PTPRT: variants seen among roughly 807,000 people sequenced by gnomAD.
PTPRT encodes receptor-type tyrosine-protein phosphatase T.
In PTPRT, 56 loss-of-function variants were observed where a neutral mutation model predicts 176.8. The observed-to-expected ratio is 0.32, with a 90% confidence interval of 0.26 to 0.40. PTPRT has a LOEUF of 0.40. Ranked by LOEUF, PTPRT falls within the 10% of genes least tolerant of loss-of-function variation. PTPRT has a pLI of 1.00. For synonymous variants in PTPRT, 783 were observed against 739.0 expected, an observed-to-expected ratio of 1.06 and a Z score of -0.96; for missense variants, 1,540 against 1,908.2, an observed-to-expected ratio of 0.81 and a Z score of 3.60.
At chr20:42,766,533 A>G (rs539883481) in intron 5 of PTPRT, among the ~76,000 whole-genome samples, 2 of 152,314 alleles carry the variant, frequency 1.3e-5, no homozygotes, top group South Asian at 2.1e-4. Context: ...CTAAAGACAT[A>G]TAAAGTTTCC....
intron 6 of PTPRT, among the ~76,000 whole-genome samples, chr20:42,690,928 A>G (rs1275054386): frequency 6.6e-6 from 1 of 152,114 alleles, no homozygotes; most frequent in Non-Finnish European, 1.5e-5. Context: ...CATAAACGTG[A>G]GTTATTCCTT....
chr20:42,162,898 T>C (rs1315445922), intron 16 of PTPRT, among the ~76,000 whole-genome samples: 2 of 152,230 alleles, frequency 1.3e-5, no homozygotes, highest in Non-Finnish European at 2.9e-5. Flanking sequence ...AGCCTGTTCC[T>C]GGCAAGGAAA....
chr20:42,133,127 A>G (rs898680492), intron 18 of PTPRT, among the ~76,000 whole-genome samples: 7 of 152,168 alleles, frequency 4.6e-5, no homozygotes, highest in African/African-American at 1.7e-4. Context: ...TCTACACTTT[A>G]TTATAAAATG....
chr20:42,124,443 A>G (rs981326742), intron 19 of PTPRT, among the ~76,000 whole-genome samples: 3 of 152,234 alleles, frequency 2.0e-5, no homozygotes, highest in Non-Finnish European at 2.9e-5. Flanking sequence ...TTAAGTGGCC[A>G]ATACATTTTC....
At chr20:42,569,470 A>G (rs1011525215) in intron 7 of PTPRT, among the ~76,000 whole-genome samples, 1 of 152,128 alleles carries the variant, frequency 6.6e-6, no homozygotes, top group Non-Finnish European at 1.5e-5. Context: ...GAGCCACAGA[A>G]TCTCTGGAAG....
intron 13 of PTPRT, among the ~76,000 whole-genome samples, chr20:42,258,099 G>A (rs762569025): frequency 6.6e-5 from 10 of 152,158 alleles, no homozygotes; most frequent in Non-Finnish European, 1.2e-4. Context: ...CTGGAAGAAA[G>A]AAGCAGACAC....
chr20:42,887,404 C>T (rs1190689147), intron 1 of PTPRT, among the ~76,000 whole-genome samples: 3 of 152,260 alleles, frequency 2.0e-5, no homozygotes, highest in African/African-American at 2.4e-5. Context: ...GCCAATGTCT[C>T]GATCTTATAC....
intron 1 of PTPRT, among the ~76,000 whole-genome samples, chr20:43,152,393 A>T (rs193091661): frequency 2.8e-4 from 43 of 152,346 alleles, no homozygotes; most frequent in Admixed American, 2.5e-3. Flanking sequence ...ATATGAATTC[A>T]TTGCACACAA....
At chr20:42,984,320 GAGAC>G (rs2146092481) in intron 1 of PTPRT, among the ~76,000 whole-genome samples, 1 of 152,284 alleles carries the variant, frequency 6.6e-6, no homozygotes, top group South Asian at 2.1e-4. Context: ...ACCATATAAA[GAGAC>G]AGACAGAAAA....
At chr20:42,583,126 G>A (rs1190520020) in intron 7 of PTPRT, among the ~76,000 whole-genome samples, 1 of 152,160 alleles carries the variant, frequency 6.6e-6, no homozygotes, top group Non-Finnish European at 1.5e-5. Flanking sequence ...TGAATGATGA[G>A]AATATCTTGC....
chr20:42,694,823 A>C (rs1020187473), intron 6 of PTPRT, among the ~76,000 whole-genome samples: 2 of 152,274 alleles, frequency 1.3e-5, no homozygotes, highest in South Asian at 4.1e-4. Context: ...AGCCTAGTGC[A>C]GCTTGATAGC....
chr20:43,094,260 GT>G (rs2012019044), intron 1 of PTPRT, among the ~76,000 whole-genome samples: 1 of 147,404 alleles, frequency 6.8e-6, no homozygotes, highest in Non-Finnish European at 1.5e-5. Context: ...GCTAATTTTT[GT>G]TTTTTTAGTA....
chr20:42,118,145 C>T (rs541517928), intron 21 of PTPRT, among the ~76,000 whole-genome samples: 24 of 152,214 alleles, frequency 1.6e-4, no homozygotes, highest in Admixed American at 1.1e-3. Flanking sequence ...AGGGAGTGAA[C>T]GACTGATGGT....
At chr20:42,476,598 T>C (rs1040572750) in intron 7 of PTPRT, among the ~76,000 whole-genome samples, 1 of 152,200 alleles carries the variant, frequency 6.6e-6, no homozygotes, top group African/African-American at 2.4e-5. Flanking sequence ...TTCTACTGGC[T>C]ATGAAAATTC....
chr20:43,170,503 T>C (rs2014970232), intron 1 of PTPRT, among the ~76,000 whole-genome samples: 2 of 152,084 alleles, frequency 1.3e-5, no homozygotes, highest in Admixed American at 1.3e-4. Flanking sequence ...CATTACAAAT[T>C]TTTCCTAATG....
intron 8 of PTPRT, among the ~76,000 whole-genome samples, chr20:42,463,721 CCA>C (rs917062427): frequency 3.4e-4 from 52 of 152,214 alleles, no homozygotes; most frequent in Non-Finnish European, 5.7e-4. Context: ...AAGCAGATAG[CCA>C]TGTACAATTC....
intron 2 of PTPRT, among the ~76,000 whole-genome samples, chr20:42,827,858 C>A (rs1315286418): frequency 6.6e-6 from 1 of 152,190 alleles, no homozygotes; most frequent in East Asian, 1.9e-4. Flanking sequence ...TATAAGTTTC[C>A]TGAGGCATCC....
At chr20:42,866,062 G>T (rs551767012) in intron 2 of PTPRT, among the ~76,000 whole-genome samples, 1 of 152,202 alleles carries the variant, frequency 6.6e-6, no homozygotes, top group Non-Finnish European at 1.5e-5. Context: ...CTGTTTCCTG[G>T]GCCCCATCCC....
At position 42,771,360 on chromosome 20, in the gene PTPRT, G is replaced by C. The variant is rs2077059699; in HGVS notation, c.684+75C>G. On this transcript the variant is annotated intron_variant, in intron 5 of 30. Transcript: ENST00000373187. ...TGTTCAATACACTTGTGTTGCCATA[G>C]AGCTGCTTCCTTCCAGTCCTTCTTT... 1.1e-5 allele frequency: 15 copies of C among 1,305,628 alleles called. No homozygotes were observed. The East Asian group carries it at 1.2e-4, about 10-fold the overall frequency. 80.9% of individuals were successfully genotyped at this position (1,305,628 alleles called of 1,614,324 possible).
Sources: allele counts gnomAD v4.1 joint callset (sites outside exome capture counted in the v4.1 genomes callset), GRCh38; gene constraint gnomAD v4.1.1; transcripts MANE v1.5; gene names NCBI Gene and HGNC (gene_info 2026-07-23, HGNC 2026-07-21).